Variants in PCDH7 observed in about 807,000 individuals in gnomAD.
PCDH7 encodes the protein protocadherin-7.
In PCDH7, 17 loss-of-function variants were observed where a neutral mutation model predicts 58.9. That is an observed-to-expected ratio of 0.29 (90% CI 0.20 to 0.43). The LOEUF (loss-of-function observed/expected upper bound fraction) is 0.43. Among genes scored for constraint, PCDH7 ranks in the 20% least tolerant of loss-of-function variants. PCDH7 has a pLI of 1.00. For synonymous variants in PCDH7, 664 were observed against 616.4 expected (o/e 1.08, Z -1.14); for missense variants, 1,274 against 1,441.0 (o/e 0.88, Z 1.88).
At chr4:31,099,854 AT>A (rs1242486428) in intron 3 of PCDH7, among the ~76,000 whole-genome samples, 3 of 152,132 alleles carry the variant, frequency 2.0e-5, no homozygotes, top group Non-Finnish European at 4.4e-5. Context: ...CTTCGTAGGA[AT>A]GTATTGTGGT....
In PCDH7 at chr4:30,766,702, C is replaced by T. The variant is rs1720799078; in HGVS notation, c.70+42106C>T. Among the ~76,000 whole-genome samples, 5 of 151,564 alleles carry T rather than the reference C, an allele frequency of 3.3e-5. No individual in the cohort carries two copies. The South Asian group carries it at 1.0e-3, about 32-fold the overall frequency. The stretch of plus-strand genomic sequence containing the variant: ...TGTATATGTGTCAGTAAGACAGTGT[C>T]CCATTTATATTTTTAAAAAGCAAGA... On this transcript the variant is annotated intron_variant, in intron 1 of 3. Coordinates refer to the PCDH7 transcript ENST00000509759.
chr4:30,972,480 G>A (rs1292939770), intron 3 of PCDH7, among the ~76,000 whole-genome samples: 1 of 152,080 alleles, frequency 6.6e-6, no homozygotes, highest in Non-Finnish European at 1.5e-5. Flanking sequence ...AAAAATAGTC[G>A]AATGAAGTGA....
At chr4:30,894,975 A>C (rs1313568523) in intron 1 of PCDH7, among the ~76,000 whole-genome samples, 1 of 151,774 alleles carries the variant, frequency 6.6e-6, no homozygotes, top group Non-Finnish European at 1.5e-5. Flanking sequence ...AATTATACTT[A>C]TTATTATTAT....
chr4:30,899,713 C>T (rs1739947953), intron 1 of PCDH7, among the ~76,000 whole-genome samples: 1 of 151,694 alleles, frequency 6.6e-6, no homozygotes, highest in South Asian at 2.1e-4. Flanking sequence ...GACTATGACA[C>T]TAATATTTTT....
intron 1 of PCDH7, among the ~76,000 whole-genome samples, chr4:30,862,037 A>C (rs1284964172): frequency 6.6e-6 from 1 of 152,176 alleles, no homozygotes; most frequent in African/African-American, 2.4e-5. Flanking sequence ...GACTACAGAA[A>C]TGATATACTT....
At chr4:30,752,783 C>CAAAAAAAAAAAAAAA (rs35860745) in intron 1 of PCDH7, among the ~76,000 whole-genome samples, 3 of 99,524 alleles carry the variant, frequency 3.0e-5, no homozygotes, top group South Asian at 3.4e-4. Flanking sequence ...CCTGTAGGGG[C>CAAAAAAAAAAAAAAA]AAAAAAAAAA....
intron 3 of PCDH7, among the ~76,000 whole-genome samples, chr4:31,048,436 G>T (rs1756466326): frequency 1.3e-5 from 2 of 152,078 alleles, no homozygotes; most frequent in Admixed American, 1.3e-4. Flanking sequence ...CTAATCCATG[G>T]CAATATAATT....
intron 3 of PCDH7, among the ~76,000 whole-genome samples, chr4:31,103,101 T>C (rs1365109774): frequency 2.0e-5 from 3 of 152,216 alleles, no homozygotes; most frequent in Non-Finnish European, 2.9e-5. Context: ...ATATTTAATA[T>C]TAGCTATAAT....
intron 3 of PCDH7, among the ~76,000 whole-genome samples, chr4:31,086,582 A>G (rs1712471215): frequency 6.6e-6 from 1 of 152,192 alleles, no homozygotes; most frequent in Admixed American, 6.5e-5. Flanking sequence ...TACAGAGAAA[A>G]GTAGTATAGA....
chr4:30,931,288 T>A (rs1384053674), intron 2 of PCDH7, among the ~76,000 whole-genome samples: 2 of 152,014 alleles, frequency 1.3e-5, no homozygotes, highest in African/African-American at 4.8e-5. Context: ...AAAGTTAATA[T>A]GTACTGGTCG....
At chr4:30,770,936 T>C (rs539409973) in intron 1 of PCDH7, among the ~76,000 whole-genome samples, 226 of 152,304 alleles carry the variant, frequency 1.5e-3, no homozygotes, top group African/African-American at 5.3e-3. Context: ...ACTATTTTTT[T>C]CCCACCACAG....
At chr4:31,010,430 T>A (rs891841259) in intron 3 of PCDH7, among the ~76,000 whole-genome samples, 1 of 151,960 alleles carries the variant, frequency 6.6e-6, no homozygotes, top group African/African-American at 2.4e-5. Flanking sequence ...ATTAAGGCAA[T>A]GTTTTACTTA....
chr4:30,790,979 G>A (rs909556846), intron 1 of PCDH7, among the ~76,000 whole-genome samples: 5 of 152,108 alleles, frequency 3.3e-5, no homozygotes, highest in South Asian at 4.2e-4. Context: ...AATACATGCT[G>A]TAGACAGAAA....
At chr4:30,797,940 A>T (rs753120368) in intron 1 of PCDH7, among the ~76,000 whole-genome samples, 35 of 152,184 alleles carry the variant, frequency 2.3e-4, no homozygotes, top group Non-Finnish European at 4.7e-4. Context: ...TATGTCACGA[A>T]TCACGTGAAT....
chr4:31,028,660 A>G (rs1264802067), intron 3 of PCDH7, among the ~76,000 whole-genome samples: 3 of 78,086 alleles, frequency 3.8e-5, no homozygotes, highest in East Asian at 5.5e-4. Context: ...CCTGCTTCAA[A>G]AAAAAAAAAA....
intron 1 of PCDH7, among the ~76,000 whole-genome samples, chr4:30,867,848 C>T (rs964021410): frequency 3.9e-5 from 6 of 151,984 alleles, no homozygotes; most frequent in South Asian, 2.1e-4. Flanking sequence ...GTGATATCCT[C>T]ATTTTGAGAA....
intron 3 of PCDH7, among the ~76,000 whole-genome samples, chr4:30,978,763 A>AATAC (rs1203834957): frequency 1.3e-5 from 2 of 152,146 alleles, no homozygotes; most frequent in Non-Finnish European, 2.9e-5. Flanking sequence ...TCTGTAATAA[A>AATAC]ATACATCAAC....
At chr4:31,024,168 A>G (rs1754244051) in intron 3 of PCDH7, among the ~76,000 whole-genome samples, 2 of 152,212 alleles carry the variant, frequency 1.3e-5, no homozygotes, top group African/African-American at 4.8e-5. Context: ...AGAACTGTGG[A>G]GAATAATATT....
At chr4:30,977,015 AAT>A (rs758515885) in intron 3 of PCDH7, among the ~76,000 whole-genome samples, 1 of 152,192 alleles carries the variant, frequency 6.6e-6, no homozygotes, top group Admixed American at 6.5e-5. Context: ...TTTCATTGAA[AAT>A]ATATGGTTAT....
Sources: gnomAD v4.1 joint callset for allele counts (sites outside exome capture counted in the v4.1 genomes callset) on GRCh38, gnomAD v4.1.1 for gene constraint, MANE v1.5 for transcripts, NCBI Gene and HGNC (gene_info 2026-07-23, HGNC 2026-07-21) for gene names.